Variants in HMCN2 observed in about 807,000 individuals in gnomAD.
The protein encoded by HMCN2 is hemicentin 2, also known as hemicentin-2.
HMCN2 carries 325 observed loss-of-function variants against 377.5 expected under a neutral mutation model. That is an observed-to-expected ratio of 0.86 (90% CI 0.79 to 0.94). The LOEUF (loss-of-function observed/expected upper bound fraction) is 0.94. HMCN2 is among the 40% of genes least tolerant of loss of function. The pLI is 0.00. For synonymous variants in HMCN2, 2,007 were observed against 2,046.8 expected, an observed-to-expected ratio of 0.98 and a Z score of 0.53; for missense variants, 4,543 against 4,725.3, an observed-to-expected ratio of 0.96 and a Z score of 1.13.
Position 130,347,455 on chromosome 9 carries a change from C to T in HMCN2, c.4024+95C>T, listed in dbSNP as rs1166420095. 6.6e-6 allele frequency: 1 copy of T among 152,182 alleles called. No individual in the cohort carries two copies. The highest frequency in any genetic ancestry group is 1.5e-5 in the Non-Finnish European group (1 of 68,090). 9.4% of individuals were successfully genotyped at this position (152,182 alleles called of 1,614,324 possible). The stretch of plus-strand genomic sequence containing the variant: ...TCCCAGGACCGCATCCGGCCAGAGG[C>T]CCACAGTGAAGCCGGGGGTCTGACA... On this transcript the variant is annotated intron_variant, in intron 26 of 97. Transcript: ENST00000683500. The surrounding 1 kb of genome is among the most constrained non-coding windows in gnomAD (Gnocchi z 5.1).
intron 4 of HMCN2, among the ~76,000 whole-genome samples, chr9:130,289,281 G>A (rs1564750700): frequency 6.6e-6 from 1 of 152,138 alleles, no homozygotes; most frequent in African/African-American, 2.4e-5. Flanking sequence ...AATTGCCTGT[G>A]TTCTGTGCAT....
intron 76 of HMCN2, chr9:130,400,560 A>G (rs1046187546): frequency 1.6e-4 from 39 of 243,482 alleles, no homozygotes; most frequent in Non-Finnish European, 9.8e-5. Context: ...CTGAGACCCC[A>G]TCTCTGAAAA....
Position 130,395,234 on chromosome 9 carries a change from C to T in HMCN2, c.10798C>T (p.Arg3600Ter), listed in dbSNP as rs758049739. The T allele has an allele frequency of 5.7e-5, 73 of 1,288,982 alleles. 2 individuals carry two copies. In the Middle Eastern group the frequency reaches 6.4e-4, roughly 11 times the overall value. 79.8% of individuals were successfully genotyped at this position (1,288,982 alleles called of 1,614,324 possible). A position where few individuals can be genotyped will look rare whatever the true frequency, so the allele number is the denominator to read the frequency against. Residue 3600 changes from arginine to a stop codon, truncating the protein, a stop_gained, in exon 71 of 98, where the codon CGA (arginine) becomes TGA (stop). Transcript: ENST00000683500. LOFTEE classifies it high-confidence loss of function. ...VQAPPNIVGPRGPRFVVGLAP... is the reference protein window; with the variant it reads ...VQAPPNIVGP ...AGCCCCTCCAAACATTGTTGGGCCC[C>T]GAGGCCCCCGCTTTGTGGTCGGCCT...
intron 1 of HMCN2, among the ~76,000 whole-genome samples, chr9:130,282,585 A>C (rs552892426): frequency 6.6e-6 from 1 of 152,202 alleles, no homozygotes; most frequent in South Asian, 2.1e-4. Context: ...ACGGATAAAC[A>C]CAGAGCAGAG....
Position 130,427,589 on chromosome 9 carries a change from G to T in HMCN2, c.14035G>T (p.Ala4679Ser). ...RFSCTCPTGFALAWDDRNCRD... is the reference protein window; with the variant it reads ...RFSCTCPTGFSLAWDDRNCRD... ...CTCCTGCACCTGCCCCACTGGCTTC[G>T]CCCTGGCCTGGGATGACAGGAACTG... The change falls in exon 92 of 98, where the codon GCC (alanine) becomes TCC (serine). Residue 4679 changes from alanine (A) to serine (S), a missense_variant. By Grantham distance (99) the Ala-to-Ser change is moderately conservative (BLOSUM62 1). Around this residue, in one of 5 missense-constraint regions of HMCN2, gnomAD observed 1,155 missense variants for 1,157.7 expected, o/e 1.00. Transcript: ENST00000683500. 1.9e-6 allele frequency: 3 copies of T among 1,550,454 alleles called. No individual in the cohort carries two copies. The highest frequency in any genetic ancestry group is 1.7e-6 in the Non-Finnish European group (2 of 1,146,978).
intron 89 of HMCN2, among the ~76,000 whole-genome samples, chr9:130,425,348 C>G (rs1319057419): frequency 6.6e-6 from 1 of 152,120 alleles, no homozygotes; most frequent in Non-Finnish European, 1.5e-5. Context: ...GACTTCAGAT[C>G]AGAGTATTCT....
At chr9:130,366,919 A>T (rs1840721391) in intron 43 of HMCN2, among the ~76,000 whole-genome samples, 1 of 143,812 alleles carries the variant, frequency 7.0e-6, no homozygotes, top group Non-Finnish European at 1.6e-5. Context: ...ATGGAGAAAA[A>T]TAAAGCTAGG....
At chr9:130,326,737 C>T (rs1409816588) in intron 21 of HMCN2, among the ~76,000 whole-genome samples, 4 of 152,124 alleles carry the variant, frequency 2.6e-5, no homozygotes, top group African/African-American at 7.2e-5. Flanking sequence ...CTTGTATGAA[C>T]TCCAAGGTAG....
chr9:130,285,633 C>T (rs1376177252), intron 3 of HMCN2, among the ~76,000 whole-genome samples: 1 of 152,356 alleles, frequency 6.6e-6, no homozygotes, highest in South Asian at 2.1e-4. Flanking sequence ...CTCCTGGCAT[C>T]GCCTCTGCTC....
intron 41 of HMCN2, 118 bp downstream of exon 41, chr9:130,365,007 CA>C: frequency 1.8e-6 from 1 of 566,994 alleles, no homozygotes; most frequent in Non-Finnish European, 2.2e-6. Context: ...GGATGGAGGA[CA>C]AAACCCCAGG....
intron 4 of HMCN2, among the ~76,000 whole-genome samples, chr9:130,293,303 G>GTTTTTTTTTTT (rs1588186458): frequency 1.3e-5 from 1 of 77,282 alleles, no homozygotes. Flanking sequence ...TTTTTTTTGC[G>GTTTTTTTTTTT]GTTCTTGTTG....
At chr9:130,282,835 C>G (rs906218612) in intron 1 of HMCN2, among the ~76,000 whole-genome samples, 1 of 152,152 alleles carries the variant, frequency 6.6e-6, no homozygotes, top group African/African-American at 2.4e-5. Flanking sequence ...CTTTGGGAGG[C>G]TGAGGTGGGA....
rs1554932343 is a variant in HMCN2, at chr9:130,296,789, T to G, written c.1007T>G (p.Leu336Trp). ...LDLNHTLEWP[L>W]QGVPISLVIN... is the part of the protein sequence containing the mutation. Reference sequence around the variant, plus strand: ...CTCAACCACACCCTCGAGTGGCCCTTGCAAGGTACAGTACCCCGACCCTAC... The same window carrying G: ...CTCAACCACACCCTCGAGTGGCCCTGGCAAGGTACAGTACCCCGACCCTAC... The change falls in exon 7 of 98, where the codon TTG (leucine) becomes TGG (tryptophan). Residue 336 changes from leucine (L) to tryptophan (W), a missense_variant. Physicochemically the swap from Leu to Trp is moderately conservative, Grantham distance 61 (BLOSUM62 -2). Transcript: ENST00000683500. 2.1e-6 allele frequency: 1 copy of G among 471,082 alleles called. No individual in the cohort carries two copies. The highest frequency in any genetic ancestry group is 4.4e-6 in the Non-Finnish European group (1 of 227,032). 29.2% of individuals were successfully genotyped at this position (471,082 alleles called of 1,614,324 possible).
rs529978587 is a variant in HMCN2 at position 130,375,469 on chromosome 9, C to T, written c.7631-94C>T. 128 of 667,866 alleles carry T rather than the reference C, an allele frequency of 1.9e-4. No individual in the cohort carries two copies. In the African/African-American group the frequency reaches 2.5e-3, roughly 13 times the overall value. The allele number at this position is 667,866 out of a possible 1,614,324, so 41.4% of individuals were successfully genotyped here. A position where few individuals can be genotyped will look rare whatever the true frequency, so the allele number is the denominator to read the frequency against. On this transcript the variant is annotated intron_variant, in intron 49 of 97. Transcript: ENST00000683500. ...CTCTGTAATGTAACTGACAGAAGTA[C>T]CGAGGCCAAGCACCGGGGTCTGAGG... is the stretch of plus-strand genomic sequence containing the variant.
intron 1 of HMCN2, among the ~76,000 whole-genome samples, chr9:130,278,955 A>G (rs1159066966): frequency 2.7e-5 from 4 of 145,882 alleles, no homozygotes; most frequent in Admixed American, 2.1e-4. Flanking sequence ...CTGGAGTGCA[A>G]TGGCGTGATC....
intron 1 of HMCN2, among the ~76,000 whole-genome samples, chr9:130,274,784 C>T (rs1834594878): frequency 6.6e-6 from 1 of 152,118 alleles, no homozygotes; most frequent in African/African-American, 2.4e-5. Flanking sequence ...CATAATATGG[C>T]ATGAATATCT....
At chr9:130,301,103 A>T (rs1317676263) in intron 8 of HMCN2, among the ~76,000 whole-genome samples, 2 of 152,220 alleles carry the variant, frequency 1.3e-5, no homozygotes, top group Admixed American at 1.3e-4. Context: ...CACGGTGCCC[A>T]TCGTGCCTAC....
intron 4 of HMCN2, among the ~76,000 whole-genome samples, chr9:130,288,644 A>G (rs1481538877): frequency 6.6e-6 from 1 of 152,222 alleles, no homozygotes; most frequent in African/African-American, 2.4e-5. Context: ...GCAGCCCAAG[A>G]GGCGTCATGC....
At chr9:130,413,792 C>G (rs1418141633) in intron 85 of HMCN2, among the ~76,000 whole-genome samples, 2 of 152,000 alleles carry the variant, frequency 1.3e-5, no homozygotes, top group Non-Finnish European at 2.9e-5. Flanking sequence ...TCAACGAGAG[C>G]CTGTCCTCTC....
Sources: allele counts gnomAD v4.1 joint callset (sites outside exome capture counted in the v4.1 genomes callset), GRCh38; gene constraint gnomAD v4.1.1; regional missense constraint gnomAD v4.1.1; non-coding constraint Gnocchi (gnomAD v3.1); transcripts MANE v1.5; gene names NCBI Gene and HGNC (gene_info 2026-07-23, HGNC 2026-07-21).